ACOT7: variants seen among roughly 807,000 people sequenced by gnomAD.
ACOT7 encodes the protein cytosolic acyl coenzyme A thioester hydrolase.
ACOT7 carries 12 observed loss-of-function variants against 40.2 expected under a neutral mutation model. That is an observed-to-expected ratio of 0.30 (90% confidence interval 0.19 to 0.48). The LOEUF (loss-of-function observed/expected upper bound fraction) is 0.48. Among genes scored for constraint, ACOT7 ranks in the 20% least tolerant of loss-of-function variants. ACOT7 has a pLI of 0.99. For missense variants in ACOT7, 395 were observed against 530.8 expected (o/e 0.74, Z 2.51); for synonymous variants, 228 against 219.5 (o/e 1.04, Z -0.34).
chr1:6,387,934 G>GTTTT (rs557741543), intron 1 of ACOT7, among the ~76,000 whole-genome samples: 3,027 of 139,086 alleles, frequency 0.022, 110 homozygotes, highest in African/African-American at 0.074. Context: ...CAGGTTCTTT[G>GTTTT]TTTTTTTTTT....
intron 8 of ACOT7, among the ~76,000 whole-genome samples, chr1:6,270,331 G>A (rs749383573): frequency 7.9e-5 from 12 of 152,202 alleles, no homozygotes; most frequent in African/African-American, 1.4e-4. Flanking sequence ...ACGAAAGAAC[G>A]CTCTGCGGGA....
intron 1 of ACOT7, among the ~76,000 whole-genome samples, chr1:6,389,597 T>C (rs908739496): frequency 1.8e-4 from 27 of 152,008 alleles, no homozygotes; most frequent in African/African-American, 6.3e-4. Context: ...CTGACCAACA[T>C]GGTGAAACTC....
intron 5 of ACOT7, among the ~76,000 whole-genome samples, chr1:6,324,455 G>A (rs1571308257): frequency 6.6e-6 from 1 of 152,288 alleles, no homozygotes; most frequent in East Asian, 1.9e-4. Context: ...CAGTCAATCG[G>A]AGGCTGGCAA....
chr1:6,360,171 G>A (rs1056567312), intron 1 of ACOT7, among the ~76,000 whole-genome samples: 2 of 152,214 alleles, frequency 1.3e-5, no homozygotes, highest in Admixed American at 6.5e-5. Flanking sequence ...CACGCACTGG[G>A]TCCCACAGGG....
rs185724259 is a variant in ACOT7, at chr1:6,274,258, C to T, written c.1014+6844G>A. On this transcript the variant is annotated intron_variant, in intron 8 of 8. Transcript: ENST00000361521. This position sits in a 1 kb window ranked among gnomAD's most constrained non-coding sequence, Gnocchi z 5.9. ...GGAACTTGGGGTAACAGCCTGGCGACGGCTCAAGACAGCCACAGCCAAGAG... is the reference window on the plus strand; with the variant it reads ...GGAACTTGGGGTAACAGCCTGGCGATGGCTCAAGACAGCCACAGCCAAGAG... Among the ~76,000 whole-genome samples, 261 of 152,326 alleles carry T rather than the reference C, an allele frequency of 1.7e-3. 3 individuals are homozygous for T. The highest frequency in any genetic ancestry group is 7.2e-4 in the Non-Finnish European group (49 of 68,010).
At chr1:6,393,000 C>T (rs1642559099) in intron 1 of ACOT7, among the ~76,000 whole-genome samples, 1 of 152,038 alleles carries the variant, frequency 6.6e-6, no homozygotes, top group African/African-American at 2.4e-5. Flanking sequence ...CCCAAACGGC[C>T]CGTGGCGCGG....
chr1:6,330,497 G>A lies in ACOT7; in HGVS notation c.510+2980C>T, dbSNP rs370913447. Among the ~76,000 whole-genome samples the A allele has an allele frequency of 1.3e-5, 2 of 152,180 alleles. No homozygotes were observed. The highest frequency in any genetic ancestry group is 4.8e-5 in the African/African-American group (2 of 41,442). ...TGCAGCCTCTCCCATCTGCGGCTCCGGCTGCCTCGGAGCCATGGAATGGTT... is the reference window on the plus strand; with the variant it reads ...TGCAGCCTCTCCCATCTGCGGCTCCAGCTGCCTCGGAGCCATGGAATGGTT... On this transcript the variant is annotated intron_variant, in intron 4 of 8. Transcript: ENST00000361521. This position sits in a 1 kb window ranked among gnomAD's most constrained non-coding sequence, Gnocchi z 4.6.
intron 3 of ACOT7, among the ~76,000 whole-genome samples, chr1:6,335,148 T>G (rs998920199): frequency 6.6e-6 from 1 of 151,842 alleles, no homozygotes; most frequent in South Asian, 2.1e-4. Flanking sequence ...CTGACCAACA[T>G]GGAGAAACCC....
In ACOT7 at chr1:6,318,331, C is replaced by A. The variant is rs182037154; in HGVS notation, c.712+161G>T. Among the ~76,000 whole-genome samples the A allele has an allele frequency of 1.4e-3, 216 of 152,378 alleles. 1 individual carries two copies. The highest frequency in any genetic ancestry group is 5.1e-3 in the African/African-American group (213 of 41,596). On this transcript the variant is annotated intron_variant, in intron 6 of 8. Coordinates refer to ENST00000361521, the MANE Select transcript of ACOT7 (RefSeq NM_007274.4). ...TCCATCTCCCAAAGTGCTGGGATTA[C>A]AGGCATGTGCCACTGCACCTGGCCT...
At chr1:6,346,578 T>G (rs1383306442) in intron 2 of ACOT7, among the ~76,000 whole-genome samples, 1 of 152,208 alleles carries the variant, frequency 6.6e-6, no homozygotes, top group East Asian at 1.9e-4. Context: ...CAGGGACTCG[T>G]GCGGACGTGC....
intron 1 of ACOT7, among the ~76,000 whole-genome samples, chr1:6,371,646 G>C (rs892431330): frequency 6.6e-6 from 1 of 152,036 alleles, no homozygotes; most frequent in Non-Finnish European, 1.5e-5. Context: ...TACAGCGTGA[G>C]TCACCAGACC....
intron 5 of ACOT7, among the ~76,000 whole-genome samples, chr1:6,318,800 T>C (rs891298410): frequency 1.3e-5 from 2 of 151,744 alleles, no homozygotes; most frequent in African/African-American, 4.9e-5. Flanking sequence ...TAGTGGGCCA[T>C]GACGAGACTC....
At chr1:6,291,668 C>T (rs1411023835) in intron 7 of ACOT7, among the ~76,000 whole-genome samples, 1 of 152,196 alleles carries the variant, frequency 6.6e-6, no homozygotes, top group Non-Finnish European at 1.5e-5. Flanking sequence ...TGTGCCCCCA[C>T]CCGGCAGGGC....
rs574507051 is a variant in ACOT7, at chr1:6,295,850, A to C, written c.713-870T>G. Among the ~76,000 whole-genome samples, 453 of 152,088 alleles carry C rather than the reference A, an allele frequency of 3.0e-3. 3 individuals are homozygous for C. The highest frequency in any genetic ancestry group is 3.7e-3 in the Non-Finnish European group (249 of 68,006). On this transcript the variant is annotated intron_variant, in intron 6 of 8. Coordinates refer to ENST00000361521, the MANE Select transcript of ACOT7 (RefSeq NM_007274.4). ...TGACAATGGTCTCAAATTGACGGCAATAGTAGTTGCACAACTCTGTGCAAA... is the reference window on the plus strand; with the variant it reads ...TGACAATGGTCTCAAATTGACGGCACTAGTAGTTGCACAACTCTGTGCAAA...
At chr1:6,388,148 G>A (rs564080249) in intron 1 of ACOT7, among the ~76,000 whole-genome samples, 17 of 151,472 alleles carry the variant, frequency 1.1e-4, no homozygotes, top group African/African-American at 3.6e-4. Context: ...TCACTCTGTC[G>A]CCCAGGCTGG....
chr1:6,356,538 G>C (rs527300150), intron 1 of ACOT7, among the ~76,000 whole-genome samples: 1 of 152,286 alleles, frequency 6.6e-6, no homozygotes, highest in African/African-American at 2.4e-5. Flanking sequence ...CAGCAGCCCT[G>C]CAGGGCACTG....
At chr1:6,377,753 C>G (rs536490436) in intron 1 of ACOT7, among the ~76,000 whole-genome samples, 124 of 152,300 alleles carry the variant, frequency 8.1e-4, no homozygotes, top group Non-Finnish European at 1.2e-3. Context: ...CAAAGAAACA[C>G]ACAAACATCA....
chr1:6,308,867 C>G (rs1205549653), intron 6 of ACOT7, among the ~76,000 whole-genome samples: 1 of 146,560 alleles, frequency 6.8e-6, no homozygotes, highest in Non-Finnish European at 1.5e-5. Context: ...CCCAGCACAG[C>G]CAGTACATCT....
intron 6 of ACOT7, among the ~76,000 whole-genome samples, chr1:6,307,695 AGAGGGAACCACAACAGGCG>A (rs1435113684): frequency 6.6e-6 from 1 of 151,902 alleles, no homozygotes; most frequent in Non-Finnish European, 1.5e-5. Context: ...AGCAACAGAC[AGAGGGAACCACAACAGGCG>A]GAGGGAACCA....
Sources: gnomAD v4.1 joint callset for allele counts (sites outside exome capture counted in the v4.1 genomes callset) on GRCh38, gnomAD v4.1.1 for gene constraint, Gnocchi (gnomAD v3.1) non-coding constraint, MANE v1.5 for transcripts, NCBI Gene and HGNC (gene_info 2026-07-23, HGNC 2026-07-21) for gene names.